The following IQCH variants were observed in gnomAD, a reference collection of about 807,000 sequenced individuals.
IQCH encodes IQ motif containing H.
In IQCH, 98 loss-of-function variants were observed where a neutral mutation model predicts 117.0. The ratio of observed to expected loss-of-function variants is 0.84; its 90% confidence interval spans 0.71 to 0.99. The LOEUF is 0.99. Among genes scored for constraint, IQCH ranks in the 50% least tolerant of loss-of-function variants. IQCH has a pLI of 0.00. For synonymous variants in IQCH, 412 were observed against 448.2 expected, an observed-to-expected ratio of 0.92 and a Z score of 1.02; for missense variants, 1,102 against 1,243.8, an observed-to-expected ratio of 0.89 and a Z score of 1.72.
rs898256911 is a variant in IQCH at position 67,393,798 on chromosome 15, T to C, written c.1633-1493T>C. Among the ~76,000 whole-genome samples the C allele has an allele frequency of 6.6e-6, 1 of 152,208 alleles. No homozygotes were observed. Reference sequence around the variant, plus strand: ...CCCTAAAGTACTGGGATTACAGGTATGAGCCACGGTGCCTAGCCTGACTTT... The same window carrying C: ...CCCTAAAGTACTGGGATTACAGGTACGAGCCACGGTGCCTAGCCTGACTTT... On this transcript the variant is annotated intron_variant, in intron 12 of 20. Coordinates refer to ENST00000335894, the MANE Select transcript of IQCH (RefSeq NM_001031715.3). This position sits in a 1 kb window ranked among gnomAD's most constrained non-coding sequence, Gnocchi z 5.5.
chr15:67,421,342 TG>T lies in IQCH; in HGVS notation c.2272del (p.Asp758ThrfsTer3), dbSNP rs1220268415. 1 of 1,614,046 alleles carries T rather than the reference TG, an allele frequency of 6.2e-7. No homozygotes were observed. The highest frequency in any genetic ancestry group is 8.5e-7 in the Non-Finnish European group (1 of 1,180,010). ...GCAGACAATGTCACCAACCTCACAG[TG>T]GACATGCTGATAGAGCCCAACGGGA... Reference protein sequence around the residue: ...PPADNVTNLTVDMLIEPNGKI... With the variant: ...PPADNVTNLTXDMLIEPNGKI... On this transcript the variant is annotated frameshift_variant, in exon 16 of 21. Coordinates refer to ENST00000335894, the MANE Select transcript of IQCH (RefSeq NM_001031715.3). LOFTEE classifies it high-confidence loss of function.
intron 6 of IQCH, among the ~76,000 whole-genome samples, chr15:67,350,927 G>A (rs1247965355): frequency 6.6e-6 from 1 of 152,190 alleles, no homozygotes; most frequent in African/African-American, 2.4e-5. Flanking sequence ...CGCAAAGCTG[G>A]AGAAGTGGAA....
chr15:67,340,379 A>G (rs906417101), intron 5 of IQCH, among the ~76,000 whole-genome samples: 40 of 138,336 alleles, frequency 2.9e-4, no homozygotes, highest in African/African-American at 1.1e-3. Flanking sequence ...GTGAATCAAG[A>G]TCGTGACACT....
rs143729948 is a variant in IQCH, at chr15:67,456,491, A to G, written c.2506-8636A>G. On this transcript the variant is annotated intron_variant, in intron 16 of 20. Coordinates refer to ENST00000335894, the MANE Select transcript of IQCH (RefSeq NM_001031715.3). This position sits in a 1 kb window ranked among gnomAD's most constrained non-coding sequence, Gnocchi z 5.1. Reference sequence around the variant, plus strand: ...TGGAGGTCATTCTCAGTCAGCCAGGACAGTGCTGGTTAAGACCTCCCTAAG... The same window carrying G: ...TGGAGGTCATTCTCAGTCAGCCAGGGCAGTGCTGGTTAAGACCTCCCTAAG... 2.2e-4 allele frequency among the ~76,000 whole-genome samples: 34 copies of G among 152,300 alleles called. No homozygotes were observed. The East Asian group carries it at 6.0e-3, about 27-fold the overall frequency.
intron 16 of IQCH, among the ~76,000 whole-genome samples, chr15:67,428,862 A>G (rs1012364889): frequency 1.9e-3 from 289 of 150,324 alleles, no homozygotes; most frequent in African/African-American, 5.6e-3. Context: ...AAAAAAAAAA[A>G]AGAGAGAGAG....
At chr15:67,470,869 A>G (rs1393975539) in intron 17 of IQCH, among the ~76,000 whole-genome samples, 4 of 152,224 alleles carry the variant, frequency 2.6e-5, no homozygotes, top group Non-Finnish European at 4.4e-5. Flanking sequence ...ATCTTTTTAC[A>G]TATACAAGTA....
intron 9 of IQCH, 121 bp from the exon 10 acceptor site, chr15:67,373,246 A>G: frequency 1.6e-6 from 1 of 611,752 alleles, no homozygotes; most frequent in South Asian, 2.2e-5. Context: ...TAAGTATGTA[A>G]TTAAATCAAT....
chr15:67,339,835 T>A (rs1204130151), intron 5 of IQCH, among the ~76,000 whole-genome samples: 2 of 152,196 alleles, frequency 1.3e-5, no homozygotes, highest in African/African-American at 4.8e-5. Flanking sequence ...ATTTGCTTTG[T>A]TGGAAGTTTT....
chr15:67,357,326 G>A lies in IQCH; in HGVS notation c.638-19G>A. 2 of 1,548,874 alleles carry A rather than the reference G, an allele frequency of 1.3e-6. No individual in the cohort carries two copies. Among genetic ancestry groups the A allele is most frequent in the Non-Finnish European group, 1.8e-6 (2 of 1,120,446 alleles). Reference sequence around the variant, plus strand: ...CCTCTTCTTCTGGAAAAGGTAACATGTACTATCTTCATCCACAGCCACTTT... The same window carrying A: ...CCTCTTCTTCTGGAAAAGGTAACATATACTATCTTCATCCACAGCCACTTT... On this transcript the variant is annotated intron_variant, in intron 6 of 20. Coordinates refer to ENST00000335894, the MANE Select transcript of IQCH (RefSeq NM_001031715.3).
Position 67,385,158 on chromosome 15 carries a change from C to A in IQCH, c.1456+139C>A. On this transcript the variant is annotated intron_variant, in intron 11 of 20. Coordinates refer to ENST00000335894, the MANE Select transcript of IQCH (RefSeq NM_001031715.3). This position sits in a 1 kb window ranked among gnomAD's most constrained non-coding sequence, Gnocchi z 4.6. ...AAAGCTCAGATGTTTAATCTACTTA[C>A]AGGGCAATTAAATGTTTTATTTTAA... 4.1e-6 allele frequency: 2 copies of A among 483,478 alleles called. No individual in the cohort carries two copies. The highest frequency in any genetic ancestry group is 3.3e-5 in the East Asian group (1 of 30,260). The allele number at this position is 483,478 out of a possible 1,614,324, so 29.9% of individuals were successfully genotyped here. A position where few individuals can be genotyped will look rare whatever the true frequency, so the allele number is the denominator to read the frequency against.
rs897397807 is a variant in IQCH, at chr15:67,384,396, C to T, written c.1373-540C>T. Reference sequence around the variant, plus strand: ...TACTGACAAAGTAACTGCATTAGCTCTTCTTGCCCTTTGAAAGTTAAAAGT... The same window carrying T: ...TACTGACAAAGTAACTGCATTAGCTTTTCTTGCCCTTTGAAAGTTAAAAGT... On this transcript the variant is annotated intron_variant, in intron 10 of 20. Coordinates refer to ENST00000335894, the MANE Select transcript of IQCH (RefSeq NM_001031715.3). This position sits in a 1 kb window ranked among gnomAD's most constrained non-coding sequence, Gnocchi z 4.3. 6.6e-6 allele frequency among the ~76,000 whole-genome samples: 1 copy of T among 152,094 alleles called. No homozygotes were observed. Among genetic ancestry groups the T allele is most frequent in the African/African-American group, 2.4e-5 (1 of 41,420 alleles).
intron 6 of IQCH, among the ~76,000 whole-genome samples, chr15:67,355,569 G>A (rs1596247395): frequency 6.7e-6 from 1 of 149,932 alleles, no homozygotes; most frequent in African/African-American, 2.5e-5. Context: ...CAGCCCGGGC[G>A]ACAGAGCAAG....
rs560663017 is a variant in IQCH, at chr15:67,416,870, A to G, written c.2098-61A>G. On this transcript the variant is annotated intron_variant, in intron 14 of 20. Coordinates refer to ENST00000335894, the MANE Select transcript of IQCH (RefSeq NM_001031715.3). The surrounding 1 kb of genome is among the most constrained non-coding windows in gnomAD (Gnocchi z 5.1). ...TGGAGGCCTGGTTTTTAATCACTCCACAAGCAGTTTTCATTTCTGTAGTAA... is the reference window on the plus strand; with the variant it reads ...TGGAGGCCTGGTTTTTAATCACTCCGCAAGCAGTTTTCATTTCTGTAGTAA... The G allele has an allele frequency of 2.1e-6, 3 of 1,459,566 alleles. No homozygotes were observed. Among genetic ancestry groups the G allele is most frequent in the East Asian group, 5.1e-5 (2 of 38,954 alleles). 90.4% of individuals were successfully genotyped at this position (1,459,566 alleles called of 1,614,324 possible).
At chr15:67,442,249 A>G (rs908004375) in intron 16 of IQCH, among the ~76,000 whole-genome samples, 2 of 151,976 alleles carry the variant, frequency 1.3e-5, no homozygotes, top group Non-Finnish European at 2.9e-5. Context: ...CATGTCTACT[A>G]AATATACACA....
chr15:67,429,197 C>A (rs1337914783), intron 16 of IQCH, among the ~76,000 whole-genome samples: 1 of 152,146 alleles, frequency 6.6e-6, no homozygotes, highest in African/African-American at 2.4e-5. Context: ...CTATTTTGTT[C>A]TTTGTGTTTT....
At chr15:67,326,738 T>C (rs1214782670) in intron 4 of IQCH, among the ~76,000 whole-genome samples, 1 of 152,200 alleles carries the variant, frequency 6.6e-6, no homozygotes, top group Non-Finnish European at 1.5e-5. Flanking sequence ...TACAAGCAGC[T>C]TATAGAAAAC....
intron 8 of IQCH, 117 bp downstream of exon 8, chr15:67,360,002 C>A (rs551469476): frequency 1.2e-5 from 8 of 695,586 alleles, no homozygotes; most frequent in South Asian, 2.0e-5. Flanking sequence ...AACAAAAGTT[C>A]GTGCTTCCTT....
intron 20 of IQCH, among the ~76,000 whole-genome samples, chr15:67,497,079 T>G (rs2083838109): frequency 7.2e-6 from 1 of 138,224 alleles, no homozygotes; most frequent in Admixed American, 7.2e-5. Flanking sequence ...AAGTGGCAAA[T>G]TCTTGTAAAT....
chr15:67,299,280 T>G (rs1034888290), intron 4 of IQCH, among the ~76,000 whole-genome samples: 1 of 151,596 alleles, frequency 6.6e-6, no homozygotes, highest in African/African-American at 2.4e-5. Flanking sequence ...GGAAGGGTAG[T>G]GCGGGGCTTG....
Sources: gnomAD v4.1 joint callset for allele counts (sites outside exome capture counted in the v4.1 genomes callset) on GRCh38, gnomAD v4.1.1 for gene constraint, Gnocchi (gnomAD v3.1) non-coding constraint, MANE v1.5 for transcripts, NCBI Gene and HGNC (gene_info 2026-07-23, HGNC 2026-07-21) for gene names.